CNTN1: variants seen among roughly 807,000 people sequenced by gnomAD.
CNTN1 encodes the protein contactin 1.
Under a neutral mutation model 126.4 loss-of-function variants are expected in CNTN1, and 38 were observed. The observed-to-expected ratio is 0.30, with a 90% CI of 0.23 to 0.39. The LOEUF is 0.39. Among genes scored for constraint, CNTN1 ranks in the 10% least tolerant of loss-of-function variants. CNTN1 has a pLI of 1.00. For missense variants in CNTN1, 1,009 were observed against 1,248.4 expected, an observed-to-expected ratio of 0.81 and a Z score of 2.89; for synonymous variants, 413 against 422.6, an observed-to-expected ratio of 0.98 and a Z score of 0.28.
intron 17 of CNTN1, among the ~76,000 whole-genome samples, chr12:41,008,166 G>C (rs1273703798): frequency 6.6e-6 from 1 of 152,126 alleles, no homozygotes; most frequent in Non-Finnish European, 1.5e-5. Flanking sequence ...TTGGAAGAAA[G>C]GCATGTCCAT....
chr12:41,003,588 T>TG (rs1340961480), intron 17 of CNTN1, among the ~76,000 whole-genome samples: 1 of 151,962 alleles, frequency 6.6e-6, no homozygotes, highest in Non-Finnish European at 1.5e-5. Flanking sequence ...GCTTTTTTTT[T>TG]TTTGGTTAGT....
At chr12:40,949,185 CAG>C (rs1946554427) in intron 14 of CNTN1, among the ~76,000 whole-genome samples, 1 of 137,928 alleles carries the variant, frequency 7.3e-6, no homozygotes, top group African/African-American at 2.7e-5. Flanking sequence ...AATGATAAAA[CAG>C]AAGTCAATTT....
intron 1 of CNTN1, among the ~76,000 whole-genome samples, chr12:40,743,330 T>C (rs1170613678): frequency 6.6e-5 from 10 of 152,058 alleles, no homozygotes; most frequent in Admixed American, 5.9e-4. Context: ...AATGTAATCA[T>C]GTGGGCAATG....
At chr12:40,918,153 C>G (rs927956796) in intron 3 of CNTN1, among the ~76,000 whole-genome samples, 1 of 152,034 alleles carries the variant, frequency 6.6e-6, no homozygotes, top group Non-Finnish European at 1.5e-5. Context: ...AAAGTTGTAC[C>G]AAGAATCATA....
chr12:40,823,221 G>A (rs973369592), intron 1 of CNTN1, among the ~76,000 whole-genome samples: 27 of 151,580 alleles, frequency 1.8e-4, no homozygotes, highest in African/African-American at 5.8e-4. Flanking sequence ...TATATAACAG[G>A]GACTACTTGT....
At chr12:40,927,015 A>T (rs913439510) in intron 6 of CNTN1, among the ~76,000 whole-genome samples, 3 of 152,036 alleles carry the variant, frequency 2.0e-5, no homozygotes, top group Non-Finnish European at 4.4e-5. Context: ...TGGCAGTTCT[A>T]TATGTGTGTA....
intron 1 of CNTN1, among the ~76,000 whole-genome samples, chr12:40,900,113 G>A (rs1265240224): frequency 6.6e-6 from 1 of 152,044 alleles, no homozygotes; most frequent in South Asian, 2.1e-4. Context: ...TGACAGATAT[G>A]GATGTTAATT....
At chr12:40,912,756 G>A (rs976116230) in intron 3 of CNTN1, among the ~76,000 whole-genome samples, 1 of 152,106 alleles carries the variant, frequency 6.6e-6, no homozygotes, top group Non-Finnish European at 1.5e-5. Flanking sequence ...ACATCAGTCA[G>A]TAAGAATTAT....
intron 14 of CNTN1, among the ~76,000 whole-genome samples, chr12:40,957,054 A>G (rs1022741826): frequency 9.2e-5 from 14 of 152,096 alleles, no homozygotes; most frequent in African/African-American, 3.4e-4. Context: ...AGATGACTAG[A>G]AAAAAATGAG....
chr12:41,024,694 C>G (rs2120813102), intron 20 of CNTN1, among the ~76,000 whole-genome samples: 1 of 152,212 alleles, frequency 6.6e-6, no homozygotes, highest in East Asian at 1.9e-4. Context: ...CACATAGTAA[C>G]TATTTTTATC....
chr12:40,911,138 C>T (rs983094245), intron 3 of CNTN1, among the ~76,000 whole-genome samples: 21 of 151,854 alleles, frequency 1.4e-4, no homozygotes, highest in African/African-American at 3.1e-4. Flanking sequence ...TGGAGTGCAG[C>T]GGCGCGATCT....
At chr12:40,949,100 T>A (rs1014526923) in intron 14 of CNTN1, among the ~76,000 whole-genome samples, 1 of 152,120 alleles carries the variant, frequency 6.6e-6, no homozygotes, top group African/African-American at 2.4e-5. Flanking sequence ...TTTACAAATA[T>A]GTATTTAAAA....
chr12:40,847,266 A>T (rs1357779184), intron 1 of CNTN1, among the ~76,000 whole-genome samples: 1 of 152,204 alleles, frequency 6.6e-6, no homozygotes, highest in African/African-American at 2.4e-5. Flanking sequence ...ATAACGTAAA[A>T]AAGACTGCAT....
chr12:40,911,344 A>T (rs563195400), intron 3 of CNTN1, among the ~76,000 whole-genome samples: 3 of 152,156 alleles, frequency 2.0e-5, no homozygotes, highest in East Asian at 1.9e-4. Context: ...CCTCCCAAAG[A>T]GCTAGGATTA....
intron 16 of CNTN1, among the ~76,000 whole-genome samples, chr12:40,992,406 A>C (rs1948116702): frequency 6.6e-6 from 1 of 152,152 alleles, no homozygotes; most frequent in African/African-American, 2.4e-5. Flanking sequence ...TAGGTTGATT[A>C]TTAAAAACTC....
At chr12:40,767,308 T>TA (rs1209300957) in intron 1 of CNTN1, among the ~76,000 whole-genome samples, 1 of 132,754 alleles carries the variant, frequency 7.5e-6, no homozygotes, top group Non-Finnish European at 1.6e-5. Flanking sequence ...CCTTTCCTTT[T>TA]TTTTTTTTTT....
intron 20 of CNTN1, among the ~76,000 whole-genome samples, chr12:41,022,730 A>G (rs1948948339): frequency 6.6e-6 from 1 of 152,188 alleles, no homozygotes; most frequent in Non-Finnish European, 1.5e-5. Flanking sequence ...TAGAGGATAG[A>G]CACTATTATT....
rs150724785 is a variant in CNTN1, at chr12:41,018,288, G to A, written c.2419+1372G>A. Among the ~76,000 whole-genome samples the A allele has an allele frequency of 1.5e-3, 230 of 152,120 alleles. 2 individuals carry two copies. The Middle Eastern group carries it at 0.017, about 11-fold the overall frequency. On this transcript the variant is annotated intron_variant, in intron 19 of 23. Transcript: ENST00000551295. ...AGCTTGAAAACTAAAGGTGTGTGAG[G>A]TACTCTTCTATCATTAGAGGAAATG... is the stretch of plus-strand genomic sequence containing the variant.
At chr12:40,713,564 A>G (rs1941977144) in intron 1 of CNTN1, among the ~76,000 whole-genome samples, 1 of 151,936 alleles carries the variant, frequency 6.6e-6, no homozygotes, top group African/African-American at 2.4e-5. Context: ...TTCTATTTAT[A>G]TAGAATGACA....
Sources: allele counts gnomAD v4.1 joint callset (sites outside exome capture counted in the v4.1 genomes callset), GRCh38; gene constraint gnomAD v4.1.1; transcripts MANE v1.5; gene names NCBI Gene and HGNC (gene_info 2026-07-23, HGNC 2026-07-21).